Variants in CLVS1 observed in about 807,000 individuals in gnomAD.
The protein encoded by CLVS1 is clavesin 1, also known as clavesin-1.
In CLVS1, 10 loss-of-function variants were observed where a neutral mutation model predicts 33.1. The observed-to-expected ratio is 0.30, with a 90% CI of 0.19 to 0.51. CLVS1 has a LOEUF of 0.51. CLVS1 is among the 20% of genes least tolerant of loss of function. The pLI is 0.97. For missense variants in CLVS1, 343 were observed against 433.4 expected (o/e 0.79, Z 1.85); for synonymous variants, 163 against 166.1 (o/e 0.98, Z 0.14).
chr8:61,120,744 C>A (rs200123252), intron 1 of CLVS1, among the ~76,000 whole-genome samples: 21,031 of 142,584 alleles, frequency 0.15, 2,102 homozygotes, highest in Admixed American at 0.29. Flanking sequence ...AGATCTCCAG[C>A]TGCGTGCTGG....
At chr8:61,361,876 G>T (rs1028880631) in intron 2 of CLVS1, among the ~76,000 whole-genome samples, 3 of 152,122 alleles carry the variant, frequency 2.0e-5, no homozygotes, top group African/African-American at 7.2e-5. Flanking sequence ...GGAAGTAAAG[G>T]CTACTGTAAT....
the CLVS1 span, among the ~76,000 whole-genome samples, chr8:61,005,688 C>T: frequency 9.7e-4 from 148 of 152,272 alleles, no homozygotes; most frequent in African/African-American, 3.5e-3. Flanking sequence ...TTAAAAATAG[C>T]GCTTTCTTAT....
At chr8:61,074,267 G>A (rs1585589786) in intron 1 of CLVS1, among the ~76,000 whole-genome samples, 1 of 150,086 alleles carries the variant, frequency 6.7e-6, no homozygotes, top group East Asian at 1.9e-4. Flanking sequence ...GAGCCAGGGA[G>A]GTAGAAGCTG....
the CLVS1 span, among the ~76,000 whole-genome samples, chr8:61,048,167 G>A: frequency 6.6e-6 from 1 of 152,178 alleles, no homozygotes; most frequent in African/African-American, 2.4e-5. Flanking sequence ...AGTAAACATA[G>A]TTGGTCAAGA....
At chr8:61,364,100 A>G (rs1379814677) in intron 2 of CLVS1, among the ~76,000 whole-genome samples, 3 of 152,362 alleles carry the variant, frequency 2.0e-5, no homozygotes, top group Admixed American at 2.0e-4. Flanking sequence ...TAGCATTTGC[A>G]GAAAGCTTTT....
chr8:61,284,424 A>T (rs1809735390), upstream of CLVS1, among the ~76,000 whole-genome samples: 1 of 152,238 alleles, frequency 6.6e-6, no homozygotes, highest in African/African-American at 2.4e-5. Flanking sequence ...TAAATGTACT[A>T]ATTACCCTAA....
rs185438025 is a variant in CLVS1, at chr8:61,413,721, G to A, written c.630+36942G>A. Among the ~76,000 whole-genome samples the A allele has an allele frequency of 1.9e-3, 283 of 152,294 alleles. 5 individuals carry two copies. Among genetic ancestry groups the A allele is most frequent in the Non-Finnish European group, 2.3e-3 (156 of 68,024 alleles). ...TTGTGTTTCATGGGATGGACTGGGG[G>A]CTCAGGTGTTCCTCATAGACAAGGA... On this transcript the variant is annotated intron_variant, in intron 3 of 5. Coordinates refer to ENST00000325897, the MANE Select transcript of CLVS1 (RefSeq NM_173519.3).
intron 1 of CLVS1, among the ~76,000 whole-genome samples, chr8:61,120,958 G>A (rs1002709887): frequency 1.3e-5 from 2 of 149,230 alleles, no homozygotes; most frequent in South Asian, 2.1e-4. Flanking sequence ...AATGGCGGGT[G>A]CCCCTCCCCC....
chr8:61,125,120 C>T (rs994656321), intron 1 of CLVS1, among the ~76,000 whole-genome samples: 2 of 152,084 alleles, frequency 1.3e-5, no homozygotes, highest in African/African-American at 2.4e-5. Context: ...TGAGGCCTTC[C>T]GAGATGACAC....
chr8:61,058,470 A>C (rs1237556070), intron 1 of CLVS1, among the ~76,000 whole-genome samples: 2 of 152,244 alleles, frequency 1.3e-5, no homozygotes, highest in African/African-American at 2.4e-5. Context: ...TGTGGAAGTT[A>C]CTTCTGACTG....
intron 2 of CLVS1, among the ~76,000 whole-genome samples, chr8:61,136,259 G>T (rs1023406798): frequency 1.3e-5 from 2 of 152,166 alleles, no homozygotes; most frequent in Admixed American, 1.3e-4. Flanking sequence ...AAGGGAGGCT[G>T]GAGATGTGAT....
intron 1 of CLVS1, among the ~76,000 whole-genome samples, chr8:61,111,804 A>C (rs1456325071): frequency 6.6e-6 from 1 of 152,154 alleles, no homozygotes; most frequent in African/African-American, 2.4e-5. Flanking sequence ...TCTATCAAAA[A>C]GTTCATCATT....
chr8:61,202,667 C>T, intron 2 of CLVS1: 13 of 1,537,490 alleles, frequency 8.5e-6, no homozygotes, highest in Non-Finnish European at 1.2e-5. Context: ...AAGTGTGGTT[C>T]AGGGCCAGTG....
intron 2 of CLVS1, among the ~76,000 whole-genome samples, chr8:61,147,027 G>A (rs748506478): frequency 2.6e-5 from 4 of 152,178 alleles, no homozygotes; most frequent in Non-Finnish European, 5.9e-5. Flanking sequence ...GGGCCAAATC[G>A]AGCAGATCAG....
At chr8:61,387,403 A>G (rs1205059491) in intron 3 of CLVS1, among the ~76,000 whole-genome samples, 2 of 151,766 alleles carry the variant, frequency 1.3e-5, no homozygotes, top group Non-Finnish European at 2.9e-5. Flanking sequence ...AAAAACAAAA[A>G]CAAAAAAACC....
intron 5 of CLVS1, among the ~76,000 whole-genome samples, chr8:61,476,442 T>C (rs570496242): frequency 1.8e-4 from 27 of 152,336 alleles, no homozygotes; most frequent in East Asian, 5.8e-4. Flanking sequence ...TGGAATGTTC[T>C]TCCATTTGTT....
chr8:61,094,163 T>C (rs1380551252), intron 1 of CLVS1, among the ~76,000 whole-genome samples: 2 of 152,210 alleles, frequency 1.3e-5, no homozygotes, highest in Non-Finnish European at 2.9e-5. Context: ...GACTCTCTTC[T>C]GCTGGACTCG....
intron 2 of CLVS1, among the ~76,000 whole-genome samples, chr8:61,325,490 C>G (rs1383331920): frequency 6.6e-6 from 1 of 152,154 alleles, no homozygotes; most frequent in Non-Finnish European, 1.5e-5. Flanking sequence ...TTGTGACTCT[C>G]TTAAAAACAT....
intron 2 of CLVS1, among the ~76,000 whole-genome samples, chr8:61,265,518 A>G (rs1809287013): frequency 6.6e-6 from 1 of 152,214 alleles, no homozygotes; most frequent in Admixed American, 6.5e-5. Context: ...TGCCTAACAC[A>G]TCGTCAATTC....
Sources: allele counts gnomAD v4.1 joint callset (sites outside exome capture counted in the v4.1 genomes callset), GRCh38; gene constraint gnomAD v4.1.1; transcripts MANE v1.5; gene names NCBI Gene and HGNC (gene_info 2026-07-23, HGNC 2026-07-21).